The following TOX variants were observed in gnomAD, a reference collection of about 807,000 sequenced individuals.
TOX encodes the protein thymocyte selection-associated high mobility group box protein TOX.
TOX carries 11 observed loss-of-function variants against 53.7 expected under a neutral mutation model. The ratio of observed to expected loss-of-function variants is 0.20; its 90% confidence interval spans 0.13 to 0.34. TOX has a LOEUF of 0.34. Among genes scored for constraint, TOX ranks in the 10% least tolerant of loss-of-function variants. The probability of loss-of-function intolerance (pLI) is 1.00; values close to 1 mark genes in which losing one functional copy is unlikely to be tolerated. For synonymous variants in TOX, 225 were observed against 245.3 expected, an observed-to-expected ratio of 0.92 and a Z score of 0.77; for missense variants, 570 against 664.6, an observed-to-expected ratio of 0.86 and a Z score of 1.56.
At chr8:59,041,197 A>C (rs1183072606) in intron 1 of TOX, among the ~76,000 whole-genome samples, 1 of 151,756 alleles carries the variant, frequency 6.6e-6, no homozygotes, top group Non-Finnish European at 1.5e-5. Context: ...TTAAATGTAC[A>C]TTGTTTTCCT....
chr8:58,945,544 T>G (rs1812511224), intron 2 of TOX, among the ~76,000 whole-genome samples: 1 of 152,340 alleles, frequency 6.6e-6, no homozygotes, highest in Admixed American at 6.5e-5. Flanking sequence ...TTCCCCTGCC[T>G]GTTTAATGAC....
intron 1 of TOX, among the ~76,000 whole-genome samples, chr8:59,107,208 G>C (rs1422655916): frequency 6.6e-6 from 1 of 152,014 alleles, no homozygotes; most frequent in Non-Finnish European, 1.5e-5. Flanking sequence ...AGAATATGTA[G>C]CATGTTAGAA....
intron 1 of TOX, among the ~76,000 whole-genome samples, chr8:59,067,125 C>A (rs1022154879): frequency 6.6e-6 from 1 of 151,468 alleles, no homozygotes; most frequent in Non-Finnish European, 1.5e-5. Context: ...GAAGGGGGGC[C>A]GGGGGGTTGA....
intron 4 of TOX, among the ~76,000 whole-genome samples, chr8:58,845,836 T>G (rs921839847): frequency 6.6e-6 from 1 of 151,938 alleles, no homozygotes; most frequent in African/African-American, 2.4e-5. Context: ...AGAAAAAAGG[T>G]TGGTTGTTAT....
At chr8:59,107,876 C>G (rs962734699) in intron 1 of TOX, among the ~76,000 whole-genome samples, 22 of 152,290 alleles carry the variant, frequency 1.4e-4, no homozygotes, top group East Asian at 7.7e-4. Context: ...ATGTGTTTAA[C>G]TATTTGGTAT....
intron 1 of TOX, among the ~76,000 whole-genome samples, chr8:58,997,688 A>G (rs906207787): frequency 5.9e-5 from 9 of 152,258 alleles, no homozygotes; most frequent in African/African-American, 1.9e-4. Context: ...TAATGAAACC[A>G]ATATTCTCTT....
intron 1 of TOX, among the ~76,000 whole-genome samples, chr8:59,112,624 GA>G (rs1563450453): frequency 6.6e-6 from 1 of 152,084 alleles, no homozygotes; most frequent in Non-Finnish European, 1.5e-5. Flanking sequence ...GGAAGTAAAT[GA>G]AAAGGGAAAA....
chr8:58,847,637 T>C (rs1396318576), intron 4 of TOX, among the ~76,000 whole-genome samples: 1 of 151,780 alleles, frequency 6.6e-6, no homozygotes, highest in African/African-American at 2.4e-5. Context: ...AATGAAAATT[T>C]CCCCAAAATG....
chr8:58,829,773 T>C (rs1380619375), intron 5 of TOX, among the ~76,000 whole-genome samples: 1 of 152,044 alleles, frequency 6.6e-6, no homozygotes, highest in Non-Finnish European at 1.5e-5. Context: ...CAACTATGAA[T>C]GAATGATAAT....
chr8:58,823,566 T>C (rs1810315851), intron 6 of TOX, among the ~76,000 whole-genome samples: 6 of 152,192 alleles, frequency 3.9e-5, no homozygotes, highest in Admixed American at 3.9e-4. Context: ...CACTGAAGCA[T>C]TGTCAATCCT....
chr8:58,830,653 C>A (rs1810438359), intron 5 of TOX, among the ~76,000 whole-genome samples: 1 of 152,104 alleles, frequency 6.6e-6, no homozygotes, highest in African/African-American at 2.4e-5. Context: ...CCATTTAATT[C>A]CTTCTTCCTT....
chr8:58,978,365 G>C (rs1813142843), intron 1 of TOX, among the ~76,000 whole-genome samples: 1 of 152,112 alleles, frequency 6.6e-6, no homozygotes, highest in African/African-American at 2.4e-5. Context: ...CAGACATCTG[G>C]GAGGAGTTCA....
chr8:59,110,150 T>G (rs551727346), intron 1 of TOX, among the ~76,000 whole-genome samples: 2 of 152,310 alleles, frequency 1.3e-5, no homozygotes, highest in Admixed American at 1.3e-4. Flanking sequence ...TTATGAACAG[T>G]CTTTTATGCC....
At position 58,959,938 on chromosome 8, in the gene TOX, C is replaced by A; in HGVS notation, c.168+5G>T. The A allele has an allele frequency of 6.2e-7, 1 of 1,614,134 alleles. No individual in the cohort carries two copies. On this transcript the variant is annotated splice_donor_5th_base_variant and intron_variant, in intron 2 of 8. Coordinates refer to ENST00000361421, the MANE Select transcript of TOX (RefSeq NM_014729.3). ...AAACAAGGCAGAGAAGATTAATTAACCCACCTGGCTGGCTGGCACATAGTC... is the reference window on the plus strand; with the variant it reads ...AAACAAGGCAGAGAAGATTAATTAAACCACCTGGCTGGCTGGCACATAGTC...
intron 1 of TOX, among the ~76,000 whole-genome samples, chr8:59,100,776 A>T (rs1804792834): frequency 1.3e-5 from 2 of 152,202 alleles, no homozygotes; most frequent in Admixed American, 6.5e-5. Context: ...TTCATACATA[A>T]AAATAGTATT....
At chr8:58,973,944 T>C (rs1813047844) in intron 1 of TOX, among the ~76,000 whole-genome samples, 1 of 152,098 alleles carries the variant, frequency 6.6e-6, no homozygotes, top group South Asian at 2.1e-4. Flanking sequence ...ATGACAGTCA[T>C]GCACCACCAT....
At chr8:58,973,700 G>GT (rs1813042074) in intron 1 of TOX, among the ~76,000 whole-genome samples, 1 of 151,910 alleles carries the variant, frequency 6.6e-6, no homozygotes, top group Admixed American at 6.6e-5. Context: ...TTTTGGTTTT[G>GT]TTTTTTCAAT....
intron 3 of TOX, among the ~76,000 whole-genome samples, chr8:58,866,917 C>T (rs1418866454): frequency 6.6e-6 from 1 of 152,076 alleles, no homozygotes; most frequent in Middle Eastern, 3.2e-3. Context: ...TATTTAATAT[C>T]TCAGCATAAT....
At chr8:58,969,400 A>G (rs1317759703) in intron 1 of TOX, among the ~76,000 whole-genome samples, 1 of 152,192 alleles carries the variant, frequency 6.6e-6, no homozygotes, top group African/African-American at 2.4e-5. Flanking sequence ...TTTGCATTTT[A>G]AGGAATCTGA....
Sources: gnomAD v4.1 joint callset for allele counts (sites outside exome capture counted in the v4.1 genomes callset) on GRCh38, gnomAD v4.1.1 for gene constraint, MANE v1.5 for transcripts, NCBI Gene and HGNC (gene_info 2026-07-23, HGNC 2026-07-21) for gene names.